Variants in PLXDC2 observed in about 807,000 individuals in gnomAD.
PLXDC2 encodes plexin domain-containing protein 2.
PLXDC2 carries 40 observed loss-of-function variants against 68.9 expected under a neutral mutation model. The observed-to-expected ratio is 0.58, with a 90% confidence interval of 0.45 to 0.76. The LOEUF is 0.76. PLXDC2 is among the 30% of genes least tolerant of loss of function. The pLI is 0.00. For missense variants in PLXDC2, 644 were observed against 661.9 expected (o/e 0.97, Z 0.30); for synonymous variants, 243 against 234.2 (o/e 1.04, Z -0.34).
chr10:19,883,019 C>T (rs1182306630), intron 1 of PLXDC2, among the ~76,000 whole-genome samples: 1 of 147,252 alleles, frequency 6.8e-6, no homozygotes, highest in Non-Finnish European at 1.5e-5. Flanking sequence ...TGCAGTGGCT[C>T]GATCTCGGCT....
intron 1 of PLXDC2, among the ~76,000 whole-genome samples, chr10:19,829,247 AT>A (rs1252802987): frequency 6.9e-6 from 1 of 144,322 alleles, no homozygotes; most frequent in African/African-American, 2.6e-5. Flanking sequence ...ATCAATAGTA[AT>A]TACTTGTGCC....
At chr10:20,037,951 G>A (rs1835608072) in intron 2 of PLXDC2, among the ~76,000 whole-genome samples, 1 of 152,114 alleles carries the variant, frequency 6.6e-6, no homozygotes, top group African/African-American at 2.4e-5. Context: ...GTTTTTAGGA[G>A]GGTCACTTAA....
At chr10:20,091,113 A>G (rs997442507) in intron 4 of PLXDC2, among the ~76,000 whole-genome samples, 1 of 152,152 alleles carries the variant, frequency 6.6e-6, no homozygotes, top group Non-Finnish European at 1.5e-5. Flanking sequence ...CTAGAACTCT[A>G]TAGGAATTCA....
At chr10:20,002,072 C>T in intron 2 of PLXDC2, 86 bp downstream of exon 2, 1 of 1,312,974 alleles carries the variant, frequency 7.6e-7, no homozygotes. Flanking sequence ...TAAGTTGTCT[C>T]TTCATCTCAA....
At chr10:20,218,406 C>CT (rs1297158562) in intron 11 of PLXDC2, among the ~76,000 whole-genome samples, 5 of 152,074 alleles carry the variant, frequency 3.3e-5, no homozygotes, top group Admixed American at 6.6e-5. Flanking sequence ...AAAGCAGCTG[C>CT]TAAGTGCATT....
chr10:19,905,663 C>T (rs1029255291), intron 1 of PLXDC2, among the ~76,000 whole-genome samples: 49 of 152,280 alleles, frequency 3.2e-4, no homozygotes, highest in African/African-American at 1.1e-3. Context: ...CTCAATTGCA[C>T]TCCCAATTAT....
chr10:20,209,125 A>G (rs986570168), intron 9 of PLXDC2, among the ~76,000 whole-genome samples: 1 of 152,174 alleles, frequency 6.6e-6, no homozygotes, highest in Non-Finnish European at 1.5e-5. Context: ...ATCAGGAAAC[A>G]GGGTTTGAGA....
chr10:19,844,843 C>T (rs1036236290), intron 1 of PLXDC2, among the ~76,000 whole-genome samples: 5 of 152,064 alleles, frequency 3.3e-5, no homozygotes, highest in Non-Finnish European at 7.4e-5. Context: ...GAGCTCTGGC[C>T]TTGGCCTCCC....
chr10:20,166,201 A>G (rs771853659), intron 7 of PLXDC2, among the ~76,000 whole-genome samples: 1 of 152,178 alleles, frequency 6.6e-6, no homozygotes, highest in African/African-American at 2.4e-5. Context: ...GCAACGGATT[A>G]GCAGAAATAT....
intron 4 of PLXDC2, among the ~76,000 whole-genome samples, chr10:20,112,612 C>G (rs768671003): frequency 6.6e-6 from 1 of 152,326 alleles, no homozygotes; most frequent in East Asian, 1.9e-4. Context: ...TCAGAACACA[C>G]TTCTATCACG....
rs201076641 is a variant in PLXDC2, at chr10:20,119,318, TA to T, written c.542-23976del. Among the ~76,000 whole-genome samples, 1,264 of 150,754 alleles carry T rather than the reference TA, an allele frequency of 8.4e-3. 21 individuals are homozygous for T. Among genetic ancestry groups the T allele is most frequent in the African/African-American group, 0.029 (1,209 of 41,012 alleles). On this transcript the variant is annotated intron_variant, in intron 4 of 13. Transcript: ENST00000377252. ...CGAAAAGAGAGTCAGCGAAGGGAGA[TA>T]GGGGTGGGGCCGTTTTATAAGATTT...
chr10:20,175,260 G>C (rs1194102316), intron 7 of PLXDC2, among the ~76,000 whole-genome samples: 3 of 152,096 alleles, frequency 2.0e-5, no homozygotes, highest in Non-Finnish European at 4.4e-5. Context: ...CAGTAATATA[G>C]GTGCTATTAT....
intron 2 of PLXDC2, among the ~76,000 whole-genome samples, chr10:20,020,170 C>A (rs570050383): frequency 9.9e-4 from 129 of 130,552 alleles, no homozygotes; most frequent in Non-Finnish European, 1.5e-3. Flanking sequence ...TGCCACCACA[C>A]CCAGCAAATT....
chr10:20,102,825 G>A (rs1367321801), intron 4 of PLXDC2, among the ~76,000 whole-genome samples: 2 of 152,128 alleles, frequency 1.3e-5, no homozygotes, highest in African/African-American at 4.8e-5. Flanking sequence ...TATAATTTTA[G>A]GAGTTTATCA....
At chr10:20,171,236 T>G (rs1834442559) in intron 7 of PLXDC2, among the ~76,000 whole-genome samples, 1 of 152,182 alleles carries the variant, frequency 6.6e-6, no homozygotes, top group Non-Finnish European at 1.5e-5. Context: ...AGGCCTCGTT[T>G]GTTATTTTCA....
intron 10 of PLXDC2, among the ~76,000 whole-genome samples, chr10:20,213,901 C>A (rs1835102239): frequency 6.6e-6 from 1 of 152,074 alleles, no homozygotes; most frequent in African/African-American, 2.4e-5. Context: ...CCATTTTCAT[C>A]TTTTCCTCAT....
chr10:20,199,950 A>G (rs1402656060), intron 9 of PLXDC2, among the ~76,000 whole-genome samples: 2 of 151,980 alleles, frequency 1.3e-5, no homozygotes, highest in Non-Finnish European at 2.9e-5. Flanking sequence ...ATTCCAAAAT[A>G]AATTTAAAAG....
At chr10:20,070,476 T>C (rs1836297138) in intron 4 of PLXDC2, among the ~76,000 whole-genome samples, 1 of 152,158 alleles carries the variant, frequency 6.6e-6, no homozygotes, top group African/African-American at 2.4e-5. Context: ...AAAAGGAATA[T>C]ATCTAAATGA....
At chr10:19,863,340 C>T (rs1280132704) in intron 1 of PLXDC2, among the ~76,000 whole-genome samples, 2 of 152,124 alleles carry the variant, frequency 1.3e-5, no homozygotes, top group Admixed American at 6.6e-5. Flanking sequence ...AAACAGCTGC[C>T]GGCTGACATT....
Sources: gnomAD v4.1 joint callset for allele counts (sites outside exome capture counted in the v4.1 genomes callset) on GRCh38, gnomAD v4.1.1 for gene constraint, MANE v1.5 for transcripts, NCBI Gene and HGNC (gene_info 2026-07-23, HGNC 2026-07-21) for gene names.